The following PLEKHM1 variants were observed in gnomAD, a reference collection of about 807,000 sequenced individuals.
PLEKHM1 encodes the protein pleckstrin homology domain-containing family M member 1.
A neutral mutation model predicts 94.3 loss-of-function variants in PLEKHM1; 28 were observed. That is an observed-to-expected ratio of 0.30 (90% CI 0.22 to 0.41). The LOEUF (loss-of-function observed/expected upper bound fraction) is 0.41, where lower values mean the gene tolerates loss of function less well. Among genes scored for constraint, PLEKHM1 ranks in the 10% least tolerant of loss-of-function variants. The pLI is 1.00. For missense variants in PLEKHM1, 907 were observed against 1,358.6 expected (o/e 0.67, Z 5.22); for synonymous variants, 424 against 581.2 (o/e 0.73, Z 3.89).
chr17:45,475,237 C>G lies in PLEKHM1; in HGVS notation c.786G>C (p.Leu262=), dbSNP rs528139392. 4 of 1,613,970 alleles carry G rather than the reference C, an allele frequency of 2.5e-6. No homozygotes were observed. In the East Asian group the frequency reaches 6.7e-5, roughly 27 times the overall value. ...LSLDTASSSQ[L]SCSLNSDSCL... Reference sequence around the variant, plus strand: ...AGCTATCAGAGTTTAGGCTGCAGGACAGCTGGGATGAACTGGCCGTGTCCA... The same window carrying G: ...AGCTATCAGAGTTTAGGCTGCAGGAGAGCTGGGATGAACTGGCCGTGTCCA... The change falls in exon 4 of 12, where the codon CTG becomes CTC. Residue 262 remains leucine, a synonymous_variant. Coordinates refer to ENST00000430334, the MANE Select transcript of PLEKHM1 (RefSeq NM_014798.3).
intron 2 of PLEKHM1, 112 bp from the exon 3 acceptor site, chr17:45,478,259 T>C (rs2868652): frequency 8.2e-7 from 1 of 1,223,792 alleles, no homozygotes; most frequent in Non-Finnish European, 1.2e-6. Flanking sequence ...TGCACACACA[T>C]CTATGTGTGT....
chr17:45,473,838 G>A lies in PLEKHM1; in HGVS notation c.923+1262C>T, dbSNP rs189280593. ...CTCCCAAAGTGCTGGGATTACAGGCGTGAGCCACTGCGCCCAGCTGAAAAT... is the reference window on the plus strand; with the variant it reads ...CTCCCAAAGTGCTGGGATTACAGGCATGAGCCACTGCGCCCAGCTGAAAAT... On this transcript the variant is annotated intron_variant, in intron 4 of 11. Transcript: ENST00000430334. Among the ~76,000 whole-genome samples, 940 of 152,156 alleles carry A rather than the reference G, an allele frequency of 6.2e-3. 14 individuals are homozygous for A. The highest frequency in any genetic ancestry group is 0.021 in the African/African-American group (889 of 41,546).
intron 1 of PLEKHM1, 44 bp downstream of exon 1, chr17:45,490,608 C>G: frequency 2.3e-6 from 1 of 428,846 alleles, no homozygotes; most frequent in Admixed American, 2.4e-5. Context: ...CTCGGCCCTC[C>G]CACCACTCCG....
rs541610261 is a variant in PLEKHM1 at position 45,453,136 on chromosome 17, A to G, written c.2497+219T>C. On this transcript the variant is annotated intron_variant, in intron 7 of 11. Coordinates refer to ENST00000430334, the MANE Select transcript of PLEKHM1 (RefSeq NM_014798.3). This position sits in a 1 kb window ranked among gnomAD's most constrained non-coding sequence, Gnocchi z 4.1. ...ATCAGTGGGAGGTGGCAGGAGAGGGACGGGTGAGCAGGGCCCACTGCCTAT... is the reference window on the plus strand; with the variant it reads ...ATCAGTGGGAGGTGGCAGGAGAGGGGCGGGTGAGCAGGGCCCACTGCCTAT... 3 of 621,082 alleles carry G rather than the reference A, an allele frequency of 4.8e-6. No homozygotes were observed. Among genetic ancestry groups the G allele is most frequent in the South Asian group, 1.9e-5 (1 of 53,650 alleles). 38.5% of individuals were successfully genotyped at this position (621,082 alleles called of 1,614,324 possible). A position where few individuals can be genotyped will look rare whatever the true frequency, so the allele number is the denominator to read the frequency against.
chr17:45,445,567 G>A lies in PLEKHM1; in HGVS notation c.2740C>T (p.Arg914Trp), dbSNP rs758907224. 46 of 1,613,724 alleles carry A rather than the reference G, an allele frequency of 2.9e-5. No homozygotes were observed. Among genetic ancestry groups the A allele is most frequent in the Middle Eastern group, 1.7e-4 (1 of 6,054 alleles). The change falls in exon 9 of 12, where the codon CGG becomes TGG. Residue 914 changes from arginine to tryptophan, a missense_variant. Physicochemically the swap from Arg to Trp is moderately radical, Grantham distance 101 (BLOSUM62 -3). Transcript: ENST00000430334. The surrounding 1 kb of genome is among the most constrained non-coding windows in gnomAD (Gnocchi z 4.2). ...VNASLYEHVE[R>W]MHLIGRRREQ... ...CGTCTCCTCCCAATGAGGTGCATCC[G>A]CTCCACATGCTCGTACAGAGACGCG...
chr17:45,470,783 C>T (rs1342328548), intron 4 of PLEKHM1, among the ~76,000 whole-genome samples: 9 of 150,964 alleles, frequency 6.0e-5, no homozygotes, highest in East Asian at 2.0e-4. Context: ...CTCAGACTCC[C>T]GATTAGCTAG....
At chr17:45,489,160 C>T (rs1341058044) in intron 1 of PLEKHM1, among the ~76,000 whole-genome samples, 1 of 152,052 alleles carries the variant, frequency 6.6e-6, no homozygotes, top group Non-Finnish European at 1.5e-5. Flanking sequence ...GTCAATGATC[C>T]AGCACTTAAA....
chr17:45,439,364 G>T (rs1448604012), intron 11 of PLEKHM1, 113 bp downstream of exon 11: 6 of 1,217,942 alleles, frequency 4.9e-6, no homozygotes, highest in Non-Finnish European at 3.6e-6. Context: ...CAAAGTGGAT[G>T]TTCAATAAGT....
intron 11 of PLEKHM1, among the ~76,000 whole-genome samples, chr17:45,438,561 CTTTA>C (rs1192166052): frequency 2.0e-5 from 3 of 151,204 alleles, no homozygotes; most frequent in African/African-American, 4.9e-5. Context: ...TTTTTACTTA[CTTTA>C]TTTATTTATT....
chr17:45,438,368 C>T (rs2050335009), intron 11 of PLEKHM1, among the ~76,000 whole-genome samples: 1 of 151,808 alleles, frequency 6.6e-6, no homozygotes, highest in Admixed American at 6.6e-5. Flanking sequence ...CCTGTCTCTA[C>T]TAAAAATACA....
chr17:45,454,052 G>C lies in PLEKHM1; in HGVS notation c.1800C>G (p.Gly600=). The change falls in exon 7 of 12, where the codon GGC becomes GGG. Residue 600 remains glycine (G), a synonymous_variant. Coordinates refer to ENST00000430334, the MANE Select transcript of PLEKHM1 (RefSeq NM_014798.3). ...AGGAGGCGCGCAGGGCCAGCTTCTT[G>C]CCAGAGAAGACCAGCTCAAAGCGCC... is the stretch of plus-strand genomic sequence containing the variant. ...SDGRFELVFS[G]KKLALRASSQ... 1 of 1,614,178 alleles carries C rather than the reference G, an allele frequency of 6.2e-7. No homozygotes were observed. The highest frequency in any genetic ancestry group is 8.5e-7 in the Non-Finnish European group (1 of 1,180,020).
chr17:45,479,517 CAA>C (rs55781182), intron 2 of PLEKHM1, among the ~76,000 whole-genome samples: 35 of 86,342 alleles, frequency 4.1e-4, no homozygotes, highest in South Asian at 7.7e-4. Flanking sequence ...GACTCCGCCT[CAA>C]AAAAAAAAAA....
At chr17:45,486,701 C>T (rs540224064) in intron 1 of PLEKHM1, among the ~76,000 whole-genome samples, 4 of 152,150 alleles carry the variant, frequency 2.6e-5, no homozygotes, top group African/African-American at 9.7e-5. Flanking sequence ...AGAAATCCAG[C>T]AGAAGAGCCA....
chr17:45,470,343 C>CAGT (rs1333485291), intron 4 of PLEKHM1, among the ~76,000 whole-genome samples: 1 of 152,176 alleles, frequency 6.6e-6, no homozygotes, highest in African/African-American at 2.4e-5. Context: ...GTGAGATCTA[C>CAGT]AGCATAAGAA....
At position 45,475,164 on chromosome 17, in the gene PLEKHM1, G is replaced by T. The variant is rs764510449; in HGVS notation, c.859C>A (p.Pro287Thr). The change falls in exon 4 of 12, where the codon CCC becomes ACC. Residue 287 changes from proline to threonine, a missense_variant. Transcript: ENST00000430334. ...GSKSPDHCEE[P>T]MSCDSDLGTA... ...CCCAGGTCTGAGTCACAGGACATGG[G>T]CTCCTCGCAATGGTCTGGACTCTTG... 2 of 1,613,874 alleles carry T rather than the reference G, an allele frequency of 1.2e-6. No homozygotes were observed. The highest frequency in any genetic ancestry group is 1.7e-6 in the Non-Finnish European group (2 of 1,179,876).
At chr17:45,472,663 A>G (rs900478316) in intron 4 of PLEKHM1, among the ~76,000 whole-genome samples, 2 of 152,176 alleles carry the variant, frequency 1.3e-5, no homozygotes, top group African/African-American at 4.8e-5. Context: ...TCCATTTAAC[A>G]TTTGAAAACT....
chr17:45,442,637 G>A (rs1353329884), intron 9 of PLEKHM1, among the ~76,000 whole-genome samples: 2 of 152,182 alleles, frequency 1.3e-5, no homozygotes, highest in Admixed American at 6.5e-5. Context: ...AATCCTGACC[G>A]TAGGTGATCC....
In PLEKHM1 at chr17:45,490,644, T is replaced by C; in HGVS notation, c.-42+8A>G. ...CCGCCCTCCTCGCATCTTGACCCCCTAACTCACCAAGCGGAGCGAGGAGCG... is the reference window on the plus strand; with the variant it reads ...CCGCCCTCCTCGCATCTTGACCCCCCAACTCACCAAGCGGAGCGAGGAGCG... On this transcript the variant is annotated splice_region_variant and intron_variant, in intron 1 of 11. Coordinates refer to ENST00000430334, the MANE Select transcript of PLEKHM1 (RefSeq NM_014798.3). 1 of 449,684 alleles carries C rather than the reference T, an allele frequency of 2.2e-6. No individual in the cohort carries two copies. The highest frequency in any genetic ancestry group is 1.6e-5 in the South Asian group (1 of 63,968). The allele number at this position is 449,684 out of a possible 1,614,324, so 27.9% of individuals were successfully genotyped here. A position where few individuals can be genotyped will look rare whatever the true frequency, so the allele number is the denominator to read the frequency against.
In PLEKHM1 at chr17:45,478,062, C is replaced by T. The variant is rs1171647610; in HGVS notation, c.134G>A (p.Gly45Glu). Residue 45 changes from glycine (G) to glutamate (E), a missense_variant, in exon 3 of 12, where the codon GGA becomes GAA. Gly to Glu is a moderately conservative substitution (Grantham distance 98). Around this residue, in one of 3 missense-constraint regions of PLEKHM1, gnomAD observed 176 missense variants for 306.0 expected, o/e 0.58. Coordinates refer to ENST00000430334, the MANE Select transcript of PLEKHM1 (RefSeq NM_014798.3). ...GGCGCTGCACATGGTGTTGGCATCT[C>T]CGTCTTCACTAGTGACCACCGTGTC... is the stretch of plus-strand genomic sequence containing the variant. ...SLDTVVTSED[G>E]DANTMCSALE... 2 of 1,614,180 alleles carry T rather than the reference C, an allele frequency of 1.2e-6. No individual in the cohort carries two copies. The highest frequency in any genetic ancestry group is 3.3e-5 in the Admixed American group (2 of 60,022).
Sources: gnomAD v4.1 joint callset for allele counts (sites outside exome capture counted in the v4.1 genomes callset) on GRCh38, gnomAD v4.1.1 for gene constraint, gnomAD v4.1.1 regional missense constraint, Gnocchi (gnomAD v3.1) non-coding constraint, MANE v1.5 for transcripts, NCBI Gene and HGNC (gene_info 2026-07-23, HGNC 2026-07-21) for gene names.